GMIP: variants seen among roughly 807,000 people sequenced by gnomAD.
GMIP encodes GEM-interacting protein.
Under a neutral mutation model 105.3 loss-of-function variants are expected in GMIP, and 54 were observed. The observed-to-expected ratio is 0.51, with a 90% CI of 0.41 to 0.64. The LOEUF (loss-of-function observed/expected upper bound fraction) is 0.64. GMIP is among the 30% of genes least tolerant of loss of function. The pLI, the probability that GMIP is intolerant of heterozygous loss-of-function variation, is 0.00. For synonymous variants in GMIP, 541 were observed against 560.8 expected (o/e 0.96, Z 0.50); for missense variants, 1,110 against 1,319.4 (o/e 0.84, Z 2.46).
intron 7 of GMIP, among the ~76,000 whole-genome samples, chr19:19,639,338 C>T (rs928777850): frequency 4.6e-5 from 7 of 151,860 alleles, no homozygotes; most frequent in African/African-American, 1.7e-4. Flanking sequence ...TCCTTGGCCC[C>T]CAGAAGTGCT....
In GMIP at chr19:19,630,167, C is replaced by T. The variant is rs112932461; in HGVS notation, c.2709G>A (p.Val903=). The change falls in exon 21 of 21, where the codon GTG becomes GTA. Residue 903 remains valine (V), a synonymous_variant. Coordinates refer to ENST00000203556, the MANE Select transcript of GMIP (RefSeq NM_016573.4). The surrounding 1 kb of genome is among the most constrained non-coding windows in gnomAD (Gnocchi z 4.8). ...KLCEETPITS[V]PRGSLRGRGP... is the part of the protein sequence containing the mutation. ...CCCGCCCCCGCAAACTCCCTCTGGG[C>T]ACTGATGTGATGGGGGTCTCCTCGC... 34 of 1,604,064 alleles carry T rather than the reference C, an allele frequency of 2.1e-5. No individual in the cohort carries two copies. In the African/African-American group the frequency reaches 3.2e-4, roughly 15 times the overall value.
At position 19,633,909 on chromosome 19, in the gene GMIP, G is replaced by C. The variant is rs781454004; in HGVS notation, c.2366C>G (p.Pro789Arg). The C allele has an allele frequency of 1.4e-5, 22 of 1,532,366 alleles. No individual in the cohort carries two copies. The highest frequency in any genetic ancestry group is 1.9e-5 in the Non-Finnish European group (21 of 1,134,054). 94.9% of individuals were successfully genotyped at this position (1,532,366 alleles called of 1,614,324 possible). The change falls in exon 19 of 21, where the codon CCG (proline) becomes CGG (arginine). Residue 789 changes from proline to arginine, a missense_variant. Physicochemically the swap from Pro to Arg is moderately radical, Grantham distance 103. Around this residue, in one of 3 missense-constraint regions of GMIP, gnomAD observed 394 missense variants for 450.5 expected, o/e 0.87. Transcript: ENST00000203556. Reference protein sequence around the residue: ...PLTTSSQPPPPHLDPDSQPPV... With the variant: ...PLTTSSQPPPRHLDPDSQPPV... ...GGGCTGGGAGTCTGGGTCAAGGTGC[G>C]GGGGTGGCGGTTGGGAGCTGGTTGT...
chr19:19,640,196 G>A lies in GMIP; in HGVS notation c.430-4C>T. ...TGTACTGCAGAGGCATGTGGCTCTG[G>A]GGAAGACAGAGTGGTGTAGGAGGAT... On this transcript the variant is annotated splice_region_variant and splice_polypyrimidine_tract_variant and intron_variant, in intron 6 of 20. Transcript: ENST00000203556. 6.2e-7 allele frequency: 1 copy of A among 1,603,526 alleles called. No individual in the cohort carries two copies.
At chr19:19,632,257 G>A (rs976073425) in intron 19 of GMIP, among the ~76,000 whole-genome samples, 2 of 151,728 alleles carry the variant, frequency 1.3e-5, no homozygotes, top group Non-Finnish European at 2.9e-5. Flanking sequence ...TCACGCCATC[G>A]CACTCCAACC....
At position 19,639,706 on chromosome 19, in the gene GMIP, G is replaced by A. The variant is rs138222709; in HGVS notation, c.537+379C>T. Among the ~76,000 whole-genome samples the A allele has an allele frequency of 9.3e-3, 1,413 of 152,098 alleles. 25 individuals carry two copies. The highest frequency in any genetic ancestry group is 0.032 in the African/African-American group (1,332 of 41,512). ...TGTACTAAAAATACAAAAATTAGCC[G>A]GGCGTGGTGGCAGGCGCCTGTAATC... On this transcript the variant is annotated intron_variant, in intron 7 of 20. Transcript: ENST00000203556.
At chr19:19,643,112 G>GC (rs1157311670) in intron 1 of GMIP, 8 of 239,402 alleles carry the variant, frequency 3.3e-5, no homozygotes, top group Non-Finnish European at 5.7e-5. Context: ...TTCTACTGCT[G>GC]CCCCCCTGCC....
At position 19,641,846 on chromosome 19, in the gene GMIP, T is replaced by C; in HGVS notation, c.202A>G (p.Ser68Gly). 6.2e-7 allele frequency: 1 copy of C among 1,613,050 alleles called. No individual in the cohort carries two copies. The highest frequency in any genetic ancestry group is 8.5e-7 in the Non-Finnish European group (1 of 1,179,872). ...ATVTNEASCWSGPSPEGPVPL... is the reference protein window; with the variant it reads ...ATVTNEASCWGGPSPEGPVPL... ...ACAGGACCCTCTGGGGAGGGGCCGC[T>C]CCAACAGCTGGCTTCGTTGGTCTGT... The change falls in exon 4 of 21, where the codon AGC becomes GGC. Residue 68 changes from serine to glycine, a missense_variant. Ser to Gly is a moderately conservative substitution (Grantham distance 56). Around this residue, in one of 3 missense-constraint regions of GMIP, gnomAD observed 667 missense variants for 773.2 expected, o/e 0.86. Transcript: ENST00000203556.
rs748224587 is a variant in GMIP at position 19,634,021 on chromosome 19, G to A, written c.2254C>T (p.His752Tyr). 1 of 1,613,086 alleles carries A rather than the reference G, an allele frequency of 6.2e-7. No homozygotes were observed. The highest frequency in any genetic ancestry group is 1.7e-5 in the Admixed American group (1 of 59,992). ...QAQLVEFLIV[H>Y]YEQIFGMDEL... ...TCCATCCCAAAGATCTGCTCGTAGT[G>A]CACGATGAGGAACTCCACAAGCTGG... Residue 752 changes from histidine (H) to tyrosine (Y), a missense_variant, in exon 19 of 21, where the codon CAC (histidine) becomes TAC (tyrosine). His to Tyr is a moderately conservative substitution (Grantham distance 83). Transcript: ENST00000203556. The surrounding 1 kb of genome is among the most constrained non-coding windows in gnomAD (Gnocchi z 6.1).
rs1450052652 is a variant in GMIP at position 19,629,919 on chromosome 19, T to C, written c.*44A>G. The stretch of plus-strand genomic sequence containing the variant: ...TGGGAGGTAGGGATATATGGGTCCG[T>C]CTTCACAATCTGGGCCTCTTCCTTA... On this transcript the variant is annotated 3_prime_UTR_variant, in exon 21 of 21. Coordinates refer to ENST00000203556, the MANE Select transcript of GMIP (RefSeq NM_016573.4). 2 of 1,569,888 alleles carry C rather than the reference T, an allele frequency of 1.3e-6. No homozygotes were observed. The highest frequency in any genetic ancestry group is 2.3e-5 in the South Asian group (2 of 85,876).
rs777551995 is a variant in GMIP at position 19,640,379 on chromosome 19, G to A, written c.365-19C>T. ...TCCAGCTCTGGGGGAAGAGAGAGCC[G>A]GGCTCTGGGTCTAGCTGGGGTCTGG... On this transcript the variant is annotated intron_variant, in intron 5 of 20. Transcript: ENST00000203556. 25 of 1,613,874 alleles carry A rather than the reference G, an allele frequency of 1.5e-5. No individual in the cohort carries two copies. Among genetic ancestry groups the A allele is most frequent in the East Asian group, 2.2e-5 (1 of 44,880 alleles).
rs140427399 is a variant in GMIP, at chr19:19,636,939, C to G, written c.1215G>C (p.Pro405=). ...NSAEPGPWED[P]GTGWRWQGTP... ...CACCTTGCCAGCGCCAGCCTGTGCCCGGATCCTCCCAAGGGCCTGGCTCAG... is the reference window on the plus strand; with the variant it reads ...CACCTTGCCAGCGCCAGCCTGTGCCGGGATCCTCCCAAGGGCCTGGCTCAG... Residue 405 remains proline (P), a synonymous_variant, in exon 12 of 21, where the codon CCG becomes CCC. Coordinates refer to ENST00000203556, the MANE Select transcript of GMIP (RefSeq NM_016573.4). 1.3e-6 allele frequency: 2 copies of G among 1,581,492 alleles called. No individual in the cohort carries two copies. Among genetic ancestry groups the G allele is most frequent in the Middle Eastern group, 1.7e-4 (1 of 6,046 alleles).
Position 19,640,074 on chromosome 19 carries a change from G to T in GMIP, c.537+11C>A. 2.0e-6 allele frequency: 3 copies of T among 1,490,146 alleles called. No individual in the cohort carries two copies. The highest frequency in any genetic ancestry group is 2.8e-6 in the Non-Finnish European group (3 of 1,067,138). 92.3% of individuals were successfully genotyped at this position (1,490,146 alleles called of 1,614,324 possible). ...GGTGACCTCTGTAACATTCCACCCTGCCCCCCTCACCTGGTAGTAGTCTCT... is the reference window on the plus strand; with the variant it reads ...GGTGACCTCTGTAACATTCCACCCTTCCCCCCTCACCTGGTAGTAGTCTCT... On this transcript the variant is annotated intron_variant, in intron 7 of 20. Coordinates refer to ENST00000203556, the MANE Select transcript of GMIP (RefSeq NM_016573.4).
Position 19,637,468 on chromosome 19 carries a change from G to C in GMIP, c.1021C>G (p.Pro341Ala). Residue 341 changes from proline to alanine, a missense_variant, in exon 11 of 21, where the codon CCG becomes GCG. Pro to Ala is a conservative substitution (Grantham distance 27). Coordinates refer to ENST00000203556, the MANE Select transcript of GMIP (RefSeq NM_016573.4). This position sits in a 1 kb window ranked among gnomAD's most constrained non-coding sequence, Gnocchi z 6.7. ...ALAECCAPFEPGQRYQEFVRA... is the reference protein window; with the variant it reads ...ALAECCAPFEAGQRYQEFVRA... ...ACAAACTCCTGGTAGCGCTGGCCCG[G>C]CTCAAAGGGCGCACAGCACTCGGCC... 1 of 1,533,084 alleles carries C rather than the reference G, an allele frequency of 6.5e-7. No homozygotes were observed. The highest frequency in any genetic ancestry group is 2.5e-5 in the East Asian group (1 of 39,564). The allele number at this position is 1,533,084 out of a possible 1,614,324, so 95.0% of individuals were successfully genotyped here. A position where few individuals can be genotyped will look rare whatever the true frequency, so the allele number is the denominator to read the frequency against.
intron 1 of GMIP, 42 bp downstream of exon 1, chr19:19,643,469 G>C: frequency 6.6e-7 from 1 of 1,517,548 alleles, no homozygotes; most frequent in Non-Finnish European, 8.9e-7. Flanking sequence ...AGGAAGCAGG[G>C]GATGGTCGGG....
intron 19 of GMIP, 119 bp downstream of exon 19, chr19:19,633,684 T>G: frequency 2.9e-6 from 2 of 691,732 alleles, no homozygotes; most frequent in Non-Finnish European, 4.3e-6. Flanking sequence ...ATAAGTTAAA[T>G]GAGGAAGGGA....
At position 19,637,808 on chromosome 19, in the gene GMIP, A is replaced by G; in HGVS notation, c.927+112T>C. ...GTCTGGGGGCGGGAACTGGCTGTCGAGGGAAATGGCCTAGTCCTGGTGTCT... is the reference window on the plus strand; with the variant it reads ...GTCTGGGGGCGGGAACTGGCTGTCGGGGGAAATGGCCTAGTCCTGGTGTCT... On this transcript the variant is annotated intron_variant, in intron 10 of 20. Transcript: ENST00000203556. This position sits in a 1 kb window ranked among gnomAD's most constrained non-coding sequence, Gnocchi z 6.7. 4 of 1,202,956 alleles carry G rather than the reference A, an allele frequency of 3.3e-6. No homozygotes were observed. Among genetic ancestry groups the G allele is most frequent in the Non-Finnish European group, 4.7e-6 (4 of 859,902 alleles). The allele number at this position is 1,202,956 out of a possible 1,614,324, so 74.5% of individuals were successfully genotyped here.
chr19:19,632,367 A>C (rs373245804), intron 19 of GMIP, among the ~76,000 whole-genome samples: 2 of 152,206 alleles, frequency 1.3e-5, no homozygotes, highest in South Asian at 4.1e-4. Flanking sequence ...TGGGAGGCTG[A>C]GGTGGGTGGG....
rs752763917 is a variant in GMIP, at chr19:19,637,913, G to A, written c.927+7C>T. 3.1e-6 allele frequency: 5 copies of A among 1,593,104 alleles called. No individual in the cohort carries two copies. The highest frequency in any genetic ancestry group is 1.3e-5 in the African/African-American group (1 of 74,360). ...GAGGGGAGGATGGCCTTGGGGATGGGCCTCACCCGCCTCAGCACTTCATCC... is the reference window on the plus strand; with the variant it reads ...GAGGGGAGGATGGCCTTGGGGATGGACCTCACCCGCCTCAGCACTTCATCC... On this transcript the variant is annotated splice_region_variant and intron_variant, in intron 10 of 20. Transcript: ENST00000203556. This position sits in a 1 kb window ranked among gnomAD's most constrained non-coding sequence, Gnocchi z 6.7.
In GMIP at chr19:19,635,849, T is replaced by G; in HGVS notation, c.1328-128A>C. ...GGAGGGGGATTGGACAGGTCAGTGG[T>G]TAAGGGTTGGAGAATTGGGTCAGCA... On this transcript the variant is annotated intron_variant, in intron 13 of 20. Coordinates refer to ENST00000203556, the MANE Select transcript of GMIP (RefSeq NM_016573.4). This position sits in a 1 kb window ranked among gnomAD's most constrained non-coding sequence, Gnocchi z 4.7. 1.3e-6 allele frequency: 1 copy of G among 762,374 alleles called. No individual in the cohort carries two copies. Among genetic ancestry groups the G allele is most frequent in the Non-Finnish European group, 2.2e-6 (1 of 444,722 alleles). The allele number at this position is 762,374 out of a possible 1,614,324, so 47.2% of individuals were successfully genotyped here.
Sources: gnomAD v4.1 joint callset for allele counts (sites outside exome capture counted in the v4.1 genomes callset) on GRCh38, gnomAD v4.1.1 for gene constraint, gnomAD v4.1.1 regional missense constraint, Gnocchi (gnomAD v3.1) non-coding constraint, MANE v1.5 for transcripts, NCBI Gene and HGNC (gene_info 2026-07-23, HGNC 2026-07-21) for gene names.